Variants in HS3ST3B1 observed in about 807,000 individuals in gnomAD.
HS3ST3B1 encodes heparan sulfate-glucosamine 3-sulfotransferase 3B1.
Under a neutral mutation model 21.3 loss-of-function variants are expected in HS3ST3B1, and 13 were observed. The ratio of observed to expected loss-of-function variants is 0.61; its 90% CI spans 0.40 to 0.97. The LOEUF (loss-of-function observed/expected upper bound fraction) is 0.97, where lower values mean the gene tolerates loss of function less well. Ranked by LOEUF, HS3ST3B1 falls within the 50% of genes least tolerant of loss-of-function variation. The pLI, the probability that HS3ST3B1 is intolerant of heterozygous loss-of-function variation, is 0.00. For synonymous variants in HS3ST3B1, 234 were observed against 254.8 expected (o/e 0.92, Z 0.78); for missense variants, 459 against 554.8 (o/e 0.83, Z 1.73).
At chr17:14,336,257 C>T (rs1298960255) in intron 1 of HS3ST3B1, among the ~76,000 whole-genome samples, 4 of 152,138 alleles carry the variant, frequency 2.6e-5, no homozygotes, top group East Asian at 1.9e-4. Flanking sequence ...AGTTAGGTTA[C>T]GCCCATTTCA....
chr17:14,348,350 A>C lies in HS3ST3B1; in HGVS notation c.*2704A>C, dbSNP rs2142360213. ...TCCTTGAATTCAAACAGATGTCCAT[A>C]ATCAGTACTGATGGAATAGAGCAAG... On this transcript the variant is annotated 3_prime_UTR_variant, in exon 2 of 2. Coordinates refer to ENST00000360954, the MANE Select transcript of HS3ST3B1 (RefSeq NM_006041.3). 1 of 152,330 alleles carries C rather than the reference A, an allele frequency of 6.6e-6. No individual in the cohort carries two copies. Among genetic ancestry groups the C allele is most frequent in the South Asian group, 2.1e-4 (1 of 4,828 alleles). 9.4% of individuals were successfully genotyped at this position (152,330 alleles called of 1,614,324 possible).
rs1909012940 is a variant in HS3ST3B1, at chr17:14,303,445, T to C, written c.554+1373T>C. On this transcript the variant is annotated intron_variant, in intron 1 of 1. Coordinates refer to ENST00000360954, the MANE Select transcript of HS3ST3B1 (RefSeq NM_006041.3). This position sits in a 1 kb window ranked among gnomAD's most constrained non-coding sequence, Gnocchi z 5.7. ...AATGGTTTTTTATTATTGTCAGGAG[T>C]TGCCCAAGTCTCGAGGTTTAGCCAA... 6.6e-6 allele frequency among the ~76,000 whole-genome samples: 1 copy of C among 152,026 alleles called. No individual in the cohort carries two copies.
chr17:14,326,670 G>A (rs922182880), intron 1 of HS3ST3B1, among the ~76,000 whole-genome samples: 1 of 152,064 alleles, frequency 6.6e-6, no homozygotes, highest in Non-Finnish European at 1.5e-5. Context: ...TGTAATCCCA[G>A]CAGTTTGGGA....
chr17:14,342,246 CT>C (rs11444106), intron 1 of HS3ST3B1, among the ~76,000 whole-genome samples: 56 of 149,860 alleles, frequency 3.7e-4, no homozygotes, highest in Middle Eastern at 3.4e-3. Flanking sequence ...TGGAAATTCT[CT>C]TTTTTTTTTC....
chr17:14,348,698 A>G lies in HS3ST3B1; in HGVS notation c.*3052A>G, dbSNP rs1032794130. The G allele has an allele frequency of 6.6e-6, 1 of 152,142 alleles. No homozygotes were observed. Among genetic ancestry groups the G allele is most frequent in the Admixed American group, 6.6e-5 (1 of 15,266 alleles). The allele number at this position is 152,142 out of a possible 1,614,324, so 9.4% of individuals were successfully genotyped here. A position where few individuals can be genotyped will look rare whatever the true frequency, so the allele number is the denominator to read the frequency against. On this transcript the variant is annotated 3_prime_UTR_variant, in exon 2 of 2. Coordinates refer to ENST00000360954, the MANE Select transcript of HS3ST3B1 (RefSeq NM_006041.3). ...CACGAAAAGCTCTGATATTCATTGG[A>G]GTACTTTATTTTTTTTCCTCAGTTT...
At chr17:14,341,948 G>A (rs1467900745) in intron 1 of HS3ST3B1, among the ~76,000 whole-genome samples, 1 of 152,154 alleles carries the variant, frequency 6.6e-6, no homozygotes, top group East Asian at 1.9e-4. Flanking sequence ...TAATTTAAGT[G>A]GTTAATGGAC....
At chr17:14,343,166 C>T (rs939169171) in intron 1 of HS3ST3B1, among the ~76,000 whole-genome samples, 4 of 151,356 alleles carry the variant, frequency 2.6e-5, no homozygotes, top group South Asian at 2.1e-4. Flanking sequence ...TGCTTGAACC[C>T]GAGAGGCGGA....
chr17:14,335,208 C>T (rs557226260), intron 1 of HS3ST3B1, among the ~76,000 whole-genome samples: 1 of 152,218 alleles, frequency 6.6e-6, no homozygotes, highest in African/African-American at 2.4e-5. Context: ...AAAGCTGAAG[C>T]TCTTGGGATT....
intron 1 of HS3ST3B1, among the ~76,000 whole-genome samples, chr17:14,313,716 A>G (rs895983564): frequency 2.6e-5 from 4 of 151,842 alleles, no homozygotes; most frequent in Admixed American, 2.0e-4. Flanking sequence ...GATTACAGGC[A>G]TGCGCCACCA....
intron 1 of HS3ST3B1, among the ~76,000 whole-genome samples, chr17:14,338,337 G>A (rs901143200): frequency 6.6e-6 from 1 of 151,688 alleles, no homozygotes; most frequent in Non-Finnish European, 1.5e-5. Context: ...TGTTAGCCAG[G>A]ACGGTCTCGA....
intron 1 of HS3ST3B1, chr17:14,327,518 C>T (rs188247666): frequency 7.9e-5 from 12 of 152,196 alleles, no homozygotes; most frequent in African/African-American, 2.9e-4. Context: ...GGTATAGCCA[C>T]TTAATGTCAT....
intron 1 of HS3ST3B1, among the ~76,000 whole-genome samples, chr17:14,309,524 G>T (rs1909240091): frequency 6.6e-6 from 1 of 152,144 alleles, no homozygotes; most frequent in African/African-American, 2.4e-5. Flanking sequence ...CCTGAGAGGA[G>T]AACCCCGCCC....
At chr17:14,322,902 T>G (rs1177585145) in intron 1 of HS3ST3B1, among the ~76,000 whole-genome samples, 3 of 144,700 alleles carry the variant, frequency 2.1e-5, no homozygotes, top group Non-Finnish European at 4.6e-5. Context: ...CTATGTCTTT[T>G]TTTTTTTTTT....
chr17:14,316,343 C>CG (rs1378127626), intron 1 of HS3ST3B1, among the ~76,000 whole-genome samples: 1 of 152,304 alleles, frequency 6.6e-6, no homozygotes, highest in East Asian at 1.9e-4. Flanking sequence ...AGGCCGAGGC[C>CG]GGGGGAACAG....
intron 1 of HS3ST3B1, among the ~76,000 whole-genome samples, chr17:14,338,861 G>A (rs904529224): frequency 2.6e-5 from 4 of 152,140 alleles, no homozygotes; most frequent in Non-Finnish European, 4.4e-5. Flanking sequence ...TGGTGGTCCT[G>A]GAAGTTCATT....
chr17:14,341,749 C>T (rs950697246), intron 1 of HS3ST3B1, among the ~76,000 whole-genome samples: 9 of 152,130 alleles, frequency 5.9e-5, no homozygotes, highest in South Asian at 2.1e-4. Flanking sequence ...TTCCTTCAAT[C>T]GTGGTGATAA....
At chr17:14,334,979 T>TCTA (rs774806596) in intron 1 of HS3ST3B1, among the ~76,000 whole-genome samples, 3 of 152,026 alleles carry the variant, frequency 2.0e-5, no homozygotes, top group Non-Finnish European at 4.4e-5. Flanking sequence ...AGGGGGGAAA[T>TCTA]CTTGTAAAGA....
chr17:14,305,271 C>T (rs1246378849), intron 1 of HS3ST3B1: 4 of 152,226 alleles, frequency 2.6e-5, no homozygotes, highest in Non-Finnish European at 2.9e-5. Flanking sequence ...TTGAAGCAGG[C>T]CTCCCAAACT....
chr17:14,336,463 C>A (rs1466393654), intron 1 of HS3ST3B1, among the ~76,000 whole-genome samples: 5 of 152,116 alleles, frequency 3.3e-5, no homozygotes, highest in Non-Finnish European at 5.9e-5. Context: ...ACGCCTTTAG[C>A]CTTCAAGGTT....
Sources: allele counts gnomAD v4.1 joint callset (sites outside exome capture counted in the v4.1 genomes callset), GRCh38; gene constraint gnomAD v4.1.1; non-coding constraint Gnocchi (gnomAD v3.1); transcripts MANE v1.5; gene names NCBI Gene and HGNC (gene_info 2026-07-23, HGNC 2026-07-21).